The following ZC3H7B variants were observed in gnomAD, a reference collection of about 807,000 sequenced individuals.
ZC3H7B encodes the protein zinc finger CCCH domain-containing protein 7B.
Under a neutral mutation model 116.0 loss-of-function variants are expected in ZC3H7B, and 35 were observed. That is an observed-to-expected ratio of 0.30 (90% CI 0.23 to 0.40). The LOEUF is 0.40. Ranked by LOEUF, ZC3H7B falls within the 10% of genes least tolerant of loss-of-function variation. ZC3H7B has a pLI of 1.00. For missense variants in ZC3H7B, 1,011 were observed against 1,321.5 expected (o/e 0.77, Z 3.64); for synonymous variants, 502 against 545.6 (o/e 0.92, Z 1.11).
intron 1 of ZC3H7B, among the ~76,000 whole-genome samples, chr22:41,305,032 T>A (rs2036021355): frequency 6.6e-6 from 1 of 152,096 alleles, no homozygotes; most frequent in Non-Finnish European, 1.5e-5. Flanking sequence ...GGCAACATGG[T>A]GAAACCCAGT....
At chr22:41,316,143 G>A (rs2036180952) in intron 1 of ZC3H7B, among the ~76,000 whole-genome samples, 1 of 151,848 alleles carries the variant, frequency 6.6e-6, no homozygotes, top group Admixed American at 6.6e-5. Context: ...ATAGGAATGC[G>A]CCACCATGTC....
chr22:41,332,201 G>A lies in ZC3H7B; in HGVS notation c.556G>A (p.Gly186Ser), dbSNP rs148237320. 2.1e-4 allele frequency: 335 copies of A among 1,614,180 alleles called. 2 individuals carry two copies. Among genetic ancestry groups the A allele is most frequent in the Non-Finnish European group, 2.6e-4 (311 of 1,180,032 alleles). The stretch of plus-strand genomic sequence containing the variant: ...GGAAACCTTTTCTCTGCTCAGTAAC[G>A]GCACTGCGGCTGGCGTGGCAGATCA... ...ELETFSLLSNGTAAGVADQGT... is the reference protein window; with the variant it reads ...ELETFSLLSNSTAAGVADQGT... Residue 186 changes from glycine (G) to serine (S), a missense_variant, in exon 7 of 23, where the codon GGC becomes AGC. This residue lies in a region of ZC3H7B where 322 missense variants were observed against 443.9 expected (regional missense o/e 0.73). Coordinates refer to ENST00000352645, the MANE Select transcript of ZC3H7B (RefSeq NM_017590.6).
chr22:41,349,962 T>C lies in ZC3H7B; in HGVS notation c.1948+661T>C, dbSNP rs1363189179. 6.6e-6 allele frequency among the ~76,000 whole-genome samples: 1 copy of C among 152,206 alleles called. No individual in the cohort carries two copies. The highest frequency in any genetic ancestry group is 1.5e-5 in the Non-Finnish European group (1 of 68,046). ...TTTTGTGGGGCGGGGATTTAAAATA[T>C]GGTACATATAACATTCAGTGTCTGC... On this transcript the variant is annotated intron_variant, in intron 16 of 22. Transcript: ENST00000352645. This position sits in a 1 kb window ranked among gnomAD's most constrained non-coding sequence, Gnocchi z 4.9.
chr22:41,343,709 G>GT, intron 13 of ZC3H7B, 133 bp downstream of exon 13: 1 of 1,280,054 alleles, frequency 7.8e-7, no homozygotes, highest in South Asian at 1.8e-5. Flanking sequence ...AGAAAGCCAC[G>GT]GCCTAGGCTC....
At position 41,327,423 on chromosome 22, in the gene ZC3H7B, C is replaced by A. The variant is rs984839196; in HGVS notation, c.444+59C>A. ...CTCAGAGGCCAGGCTTCTGACCTTC[C>A]GGCCCTCACTTGGGCCCAGCCACCA... On this transcript the variant is annotated intron_variant, in intron 5 of 22. Transcript: ENST00000352645. The surrounding 1 kb of genome is among the most constrained non-coding windows in gnomAD (Gnocchi z 4.5). The A allele has an allele frequency of 2.5e-6, 4 of 1,580,200 alleles. No homozygotes were observed. The South Asian group carries it at 3.4e-5, about 13-fold the overall frequency.
intron 1 of ZC3H7B, among the ~76,000 whole-genome samples, chr22:41,307,858 C>T (rs574451208): frequency 2.2e-4 from 33 of 152,146 alleles, no homozygotes; most frequent in Non-Finnish European, 4.3e-4. Flanking sequence ...ACCTGGCATC[C>T]GAGGTCTTAG....
chr22:41,332,295 G>C, intron 7 of ZC3H7B, 68 bp downstream of exon 7: 2 of 1,588,780 alleles, frequency 1.3e-6, no homozygotes, highest in Non-Finnish European at 1.7e-6. Context: ...CACTCTCTCC[G>C]GGTATAAATG....
At chr22:41,307,279 C>T (rs1019235071) in intron 1 of ZC3H7B, among the ~76,000 whole-genome samples, 61 of 152,200 alleles carry the variant, frequency 4.0e-4, no homozygotes, top group African/African-American at 1.3e-3. Flanking sequence ...GGCCTGAAGT[C>T]GGCTCCTTTC....
Position 41,357,115 on chromosome 22 carries a change from G to A in ZC3H7B, c.2682-62G>A, listed in dbSNP as rs1601800247. ...CGGGGAGGTCAAGCGGCCGGCCCCAGATGGACAGCCTGGGGTGGGAAGGGC... is the reference window on the plus strand; with the variant it reads ...CGGGGAGGTCAAGCGGCCGGCCCCAAATGGACAGCCTGGGGTGGGAAGGGC... On this transcript the variant is annotated intron_variant, in intron 22 of 22. Transcript: ENST00000352645. The surrounding 1 kb of genome is among the most constrained non-coding windows in gnomAD (Gnocchi z 5.4). 3.1e-6 allele frequency: 5 copies of A among 1,588,966 alleles called. No homozygotes were observed. Among genetic ancestry groups the A allele is most frequent in the East Asian group, 4.5e-5 (2 of 44,414 alleles).
chr22:41,354,532 G>A (rs1309596249), intron 17 of ZC3H7B, among the ~76,000 whole-genome samples: 1 of 152,172 alleles, frequency 6.6e-6, no homozygotes, highest in Non-Finnish European at 1.5e-5. Context: ...AGTTCCTATG[G>A]CAGGAGGATC....
At chr22:41,330,630 C>T (rs950572475) in intron 6 of ZC3H7B, among the ~76,000 whole-genome samples, 1 of 152,108 alleles carries the variant, frequency 6.6e-6, no homozygotes, top group African/African-American at 2.4e-5. Context: ...CCAGAGGGCT[C>T]ATGGGAGGAT....
Position 41,358,838 on chromosome 22 carries a change from A to G in ZC3H7B, c.*1409A>G, listed in dbSNP as rs2036753440. The stretch of plus-strand genomic sequence containing the variant: ...TCCACCGTGCCCTGGTTCCCCAGAC[A>G]TTCCAGAATGCCCCACATCATTGGC... On this transcript the variant is annotated 3_prime_UTR_variant, in exon 23 of 23. Coordinates refer to ENST00000352645, the MANE Select transcript of ZC3H7B (RefSeq NM_017590.6). 6.5e-6 allele frequency: 1 copy of G among 154,588 alleles called. No homozygotes were observed. The highest frequency in any genetic ancestry group is 2.4e-5 in the African/African-American group (1 of 41,424). The allele number at this position is 154,588 out of a possible 1,614,324, so 9.6% of individuals were successfully genotyped here.
intron 16 of ZC3H7B, among the ~76,000 whole-genome samples, chr22:41,350,450 C>A (rs1481970913): frequency 6.7e-6 from 1 of 149,340 alleles, no homozygotes; most frequent in African/African-American, 2.5e-5. Flanking sequence ...GGAGCAAGGG[C>A]AGAAGCCGGG....
rs2035973359 is a variant in ZC3H7B, at chr22:41,302,061, G to A, written c.-7+289G>A. 6.6e-6 allele frequency among the ~76,000 whole-genome samples: 1 copy of A among 152,130 alleles called. No homozygotes were observed. The highest frequency in any genetic ancestry group is 2.4e-5 in the African/African-American group (1 of 41,448). ...GTGGCCGGGGGCACCTGGCGCTGGG[G>A]AGACTTGGCCGCCCCTGCAGCCCCC... On this transcript the variant is annotated intron_variant, in intron 1 of 22. Coordinates refer to ENST00000352645, the MANE Select transcript of ZC3H7B (RefSeq NM_017590.6). The surrounding 1 kb of genome is among the most constrained non-coding windows in gnomAD (Gnocchi z 5.7).
chr22:41,355,127 T>C (rs1193612561), intron 17 of ZC3H7B, among the ~76,000 whole-genome samples: 1 of 152,062 alleles, frequency 6.6e-6, no homozygotes, highest in East Asian at 1.9e-4. Flanking sequence ...ACAGGCTGGA[T>C]GAAGAGTGGA....
At chr22:41,319,107 A>G (rs1204028229) in intron 1 of ZC3H7B, among the ~76,000 whole-genome samples, 1 of 152,168 alleles carries the variant, frequency 6.6e-6, no homozygotes, top group Admixed American at 6.6e-5. Flanking sequence ...CATCTGTACT[A>G]AAAATACAAA....
chr22:41,339,697 G>T, intron 9 of ZC3H7B, 119 bp from the exon 10 acceptor site: 1 of 888,584 alleles, frequency 1.1e-6, no homozygotes, highest in Non-Finnish European at 1.7e-6. Flanking sequence ...GCTCCCACAT[G>T]GGACAGGATG....
rs1417554748 is a variant in ZC3H7B at position 41,356,334 on chromosome 22, C to T, written c.2384-9C>T. ...CTCAGCAGGTGCCCTGTCCCTGTCC[C>T]CTGCCCAGTCCTGGACATGCAGCAG... On this transcript the variant is annotated splice_polypyrimidine_tract_variant and intron_variant, in intron 20 of 22. Coordinates refer to ENST00000352645, the MANE Select transcript of ZC3H7B (RefSeq NM_017590.6). The T allele has an allele frequency of 1.9e-6, 3 of 1,614,050 alleles. No individual in the cohort carries two copies. The South Asian group carries it at 3.3e-5, about 18-fold the overall frequency.
At chr22:41,317,169 G>A (rs910257943) in intron 1 of ZC3H7B, among the ~76,000 whole-genome samples, 1 of 150,968 alleles carries the variant, frequency 6.6e-6, no homozygotes, top group African/African-American at 2.4e-5. Context: ...TGGTAGAGAT[G>A]GGGTTTCACC....
Sources: allele counts gnomAD v4.1 joint callset (sites outside exome capture counted in the v4.1 genomes callset), GRCh38; gene constraint gnomAD v4.1.1; regional missense constraint gnomAD v4.1.1; non-coding constraint Gnocchi (gnomAD v3.1); transcripts MANE v1.5; gene names NCBI Gene and HGNC (gene_info 2026-07-23, HGNC 2026-07-21).